The following ADK variants were observed in gnomAD, a reference collection of about 807,000 sequenced individuals.
ADK encodes the protein adenosine kinase.
In ADK, 24 loss-of-function variants were observed where a neutral mutation model predicts 44.7. That is an observed-to-expected ratio of 0.54 (90% CI 0.39 to 0.76). The LOEUF is 0.76. Among genes scored for constraint, ADK ranks in the 30% least tolerant of loss-of-function variants. The pLI, the probability that ADK is intolerant of heterozygous loss-of-function variation, is 0.00. For synonymous variants in ADK, 128 were observed against 142.6 expected, an observed-to-expected ratio of 0.90 and a Z score of 0.73; for missense variants, 321 against 425.1, an observed-to-expected ratio of 0.76 and a Z score of 2.15.
intron 7 of ADK, among the ~76,000 whole-genome samples, chr10:74,562,576 T>A (rs1850501741): frequency 6.6e-6 from 1 of 152,172 alleles, no homozygotes; most frequent in South Asian, 2.1e-4. Context: ...CTAAGAGGAA[T>A]TGCCAGTGAC....
chr10:74,507,516 G>A (rs1472676334), intron 6 of ADK, among the ~76,000 whole-genome samples: 2 of 152,044 alleles, frequency 1.3e-5, no homozygotes, highest in African/African-American at 4.8e-5. Flanking sequence ...TGGAGGCTGT[G>A]AGGTGGGAGA....
intron 7 of ADK, among the ~76,000 whole-genome samples, chr10:74,534,024 T>C (rs922513291): frequency 6.6e-6 from 1 of 152,360 alleles, no homozygotes; most frequent in East Asian, 1.9e-4. Flanking sequence ...TGTAAGATAC[T>C]GTAAAGTACA....
intron 9 of ADK, among the ~76,000 whole-genome samples, chr10:74,617,898 A>C (rs1589301953): frequency 6.6e-6 from 1 of 152,024 alleles, no homozygotes; most frequent in Admixed American, 6.6e-5. Context: ...GCCTTGCTTT[A>C]TGTATTTTAA....
chr10:74,241,901 A>C (rs987026875), intron 3 of ADK, among the ~76,000 whole-genome samples: 1 of 152,196 alleles, frequency 6.6e-6, no homozygotes, highest in Non-Finnish European at 1.5e-5. Context: ...TAAAGTATAG[A>C]TGTATAGTTC....
At chr10:74,702,223 G>A (rs1177363359) in intron 10 of ADK, among the ~76,000 whole-genome samples, 7 of 149,760 alleles carry the variant, frequency 4.7e-5, no homozygotes, top group Non-Finnish European at 7.4e-5. Flanking sequence ...AGTCTCTGTC[G>A]CCTCGGCTGG....
At chr10:74,429,378 G>A (rs975481154) in intron 6 of ADK, among the ~76,000 whole-genome samples, 2 of 152,152 alleles carry the variant, frequency 1.3e-5, no homozygotes, top group Non-Finnish European at 2.9e-5. Flanking sequence ...TTAATACAGT[G>A]AAGTCATAAC....
At chr10:74,452,777 C>G (rs1845819669) in intron 6 of ADK, among the ~76,000 whole-genome samples, 1 of 151,926 alleles carries the variant, frequency 6.6e-6, no homozygotes, top group Non-Finnish European at 1.5e-5. Flanking sequence ...TTTTCGTGAA[C>G]AAGTAATAAA....
chr10:74,382,952 T>A (rs534634033), intron 4 of ADK, among the ~76,000 whole-genome samples: 6 of 151,904 alleles, frequency 3.9e-5, no homozygotes, highest in Admixed American at 6.6e-5. Flanking sequence ...TTTATTGGAT[T>A]TTCCCCCCCT....
chr10:74,642,316 T>TTTTTTTC (rs1261799021), intron 9 of ADK, among the ~76,000 whole-genome samples: 1 of 151,722 alleles, frequency 6.6e-6, no homozygotes, highest in Non-Finnish European at 1.5e-5. Flanking sequence ...GTCCTCAATT[T>TTTTTTTC]TTTTTTCTTT....
intron 10 of ADK, among the ~76,000 whole-genome samples, chr10:74,703,797 G>A (rs1406867249): frequency 1.3e-5 from 2 of 152,154 alleles, no homozygotes; most frequent in Non-Finnish European, 2.9e-5. Flanking sequence ...ATACACTGAA[G>A]TTTTCAGAAG....
At chr10:74,320,074 A>G (rs1366159854) in intron 4 of ADK, among the ~76,000 whole-genome samples, 1 of 152,160 alleles carries the variant, frequency 6.6e-6, no homozygotes, top group African/African-American at 2.4e-5. Context: ...ACTTCTTCAT[A>G]TGGCTTCTGG....
At chr10:74,226,462 A>G (rs1304000123) in intron 3 of ADK, among the ~76,000 whole-genome samples, 1 of 152,144 alleles carries the variant, frequency 6.6e-6, no homozygotes, top group Admixed American at 6.5e-5. Flanking sequence ...TCACCCATAT[A>G]TTTACCACCA....
chr10:74,705,664 A>C (rs999607360), intron 10 of ADK, among the ~76,000 whole-genome samples: 1 of 152,240 alleles, frequency 6.6e-6, no homozygotes, highest in Non-Finnish European at 1.5e-5. Flanking sequence ...ACCTAGAAAT[A>C]GAACGGATCA....
At chr10:74,344,373 T>C (rs1041195330) in intron 4 of ADK, among the ~76,000 whole-genome samples, 15 of 152,224 alleles carry the variant, frequency 9.9e-5, no homozygotes, top group African/African-American at 3.6e-4. Flanking sequence ...TAAGACCTTC[T>C]ATTCTGATTA....
intron 4 of ADK, among the ~76,000 whole-genome samples, chr10:74,319,568 C>A (rs1840741467): frequency 6.6e-6 from 1 of 152,152 alleles, no homozygotes; most frequent in Non-Finnish European, 1.5e-5. Context: ...TTGTGAGATA[C>A]TGGGGTTTAG....
intron 7 of ADK, among the ~76,000 whole-genome samples, chr10:74,570,816 A>G (rs1474367097): frequency 6.6e-6 from 1 of 152,140 alleles, no homozygotes; most frequent in Non-Finnish European, 1.5e-5. Context: ...CAGAACTTCC[A>G]ACACTATGTT....
chr10:74,652,033 A>G (rs1023648921), intron 9 of ADK, among the ~76,000 whole-genome samples: 6 of 151,546 alleles, frequency 4.0e-5, no homozygotes, highest in Admixed American at 2.0e-4. Flanking sequence ...AGGGATATGA[A>G]GGAACTTTCT....
intron 7 of ADK, among the ~76,000 whole-genome samples, chr10:74,529,754 G>A (rs1051941597): frequency 1.8e-4 from 28 of 152,214 alleles, no homozygotes; most frequent in South Asian, 8.3e-4. Flanking sequence ...TAGTACCTAA[G>A]TACCTATTAT....
chr10:74,400,755 T>G (rs1279234604), intron 6 of ADK, among the ~76,000 whole-genome samples: 2 of 152,198 alleles, frequency 1.3e-5, no homozygotes, highest in African/African-American at 4.8e-5. Context: ...GCAACGCAGT[T>G]TATCTATTCA....
Sources: allele counts gnomAD v4.1 joint callset (sites outside exome capture counted in the v4.1 genomes callset), GRCh38; gene constraint gnomAD v4.1.1; transcripts MANE v1.5; gene names NCBI Gene and HGNC (gene_info 2026-07-23, HGNC 2026-07-21).